The following ZNF492 variants were observed in gnomAD, a reference collection of about 807,000 sequenced individuals.
The protein encoded by ZNF492 is zinc finger protein 492, also known as zinc finger protein 115 (Y20).
ZNF492 carries 3 observed loss-of-function variants against 6.4 expected under a neutral mutation model. That is an observed-to-expected ratio of 0.47 (90% CI 0.21 to 1.22). The LOEUF (loss-of-function observed/expected upper bound fraction) is 1.22, where lower values mean the gene tolerates loss of function less well. ZNF492 is among the 50% of genes most tolerant of loss of function. The pLI is 0.22. For missense variants in ZNF492, 356 were observed against 612.5 expected, an observed-to-expected ratio of 0.58 and a Z score of 4.42; for synonymous variants, 112 against 205.3, an observed-to-expected ratio of 0.55 and a Z score of 3.89.
At position 22,655,675 on chromosome 19, in the gene ZNF492, A is replaced by ATTTTTTTTTTTTT. The variant is rs201831166; in HGVS notation, c.130+1667_130+1679dup. On this transcript the variant is annotated intron_variant, in intron 3 of 3. Coordinates refer to ENST00000456783, the MANE Select transcript of ZNF492 (RefSeq NM_020855.3). ...ATTTGTCTTCAATTTCAGTGACTTA[A>ATTTTTTTTTTTTT]TTTTTTTTTTTTTTTTTTTACTTAT... Among the ~76,000 whole-genome samples, 79 of 109,396 alleles carry ATTTTTTTTTTTTT rather than the reference A, an allele frequency of 7.2e-4. 5 individuals are homozygous for ATTTTTTTTTTTTT. The highest frequency in any genetic ancestry group is 5.2e-3 in the Middle Eastern group (1 of 192). The allele number at this position is 109,396 out of a possible 152,430, so 71.8% of individuals were successfully genotyped here. A position where few individuals can be genotyped will look rare whatever the true frequency, so the allele number is the denominator to read the frequency against.
chr19:22,647,399 GGT>G (rs1971891067), intron 1 of ZNF492, among the ~76,000 whole-genome samples: 1 of 150,228 alleles, frequency 6.7e-6, no homozygotes, highest in Non-Finnish European at 1.5e-5. Flanking sequence ...CTGGATTACA[GGT>G]GCCCGCCACT....
chr19:22,655,909 C>T (rs1490771550), intron 3 of ZNF492, among the ~76,000 whole-genome samples: 3 of 142,874 alleles, frequency 2.1e-5, no homozygotes, highest in Non-Finnish European at 3.0e-5. Flanking sequence ...ACTGCAACCT[C>T]CACCTCCCAG....
chr19:22,647,508 C>T (rs1264772291), intron 1 of ZNF492, among the ~76,000 whole-genome samples: 1 of 151,354 alleles, frequency 6.6e-6, no homozygotes, highest in South Asian at 2.1e-4. Context: ...GTGATCCCCC[C>T]CAATCTCGGC....
At position 22,642,384 on chromosome 19, in the gene ZNF492, C is replaced by CTTTTTTTTT. The variant is rs869202400; in HGVS notation, c.-94+7925_-94+7933dup. Among the ~76,000 whole-genome samples, 213 of 85,466 alleles carry CTTTTTTTTT rather than the reference C, an allele frequency of 2.5e-3. 4 individuals carry two copies. The highest frequency in any genetic ancestry group is 2.8e-3 in the Non-Finnish European group (136 of 48,174). The allele number at this position is 85,466 out of a possible 152,430, so 56.1% of individuals were successfully genotyped here. A position where few individuals can be genotyped will look rare whatever the true frequency, so the allele number is the denominator to read the frequency against. On this transcript the variant is annotated intron_variant, in intron 1 of 3. Transcript: ENST00000456783. The stretch of plus-strand genomic sequence containing the variant: ...ATTAACAGCTAAATAAACCTTTTGT[C>CTTTTTTTTT]TTTTTTTTTTTTTTTTTTTTTTTGA...
intron 3 of ZNF492, among the ~76,000 whole-genome samples, chr19:22,654,573 C>T (rs1971974424): frequency 7.1e-6 from 1 of 141,354 alleles, no homozygotes. Flanking sequence ...TATTGTAAGT[C>T]TATGTGAGAA....
At chr19:22,642,527 C>G (rs1047350923) in intron 1 of ZNF492, among the ~76,000 whole-genome samples, 2 of 142,942 alleles carry the variant, frequency 1.4e-5, no homozygotes, top group Non-Finnish European at 1.5e-5. Context: ...GTAGCTGGGA[C>G]TATAGGCACC....
chr19:22,637,417 C>T (rs1003160680), intron 1 of ZNF492, among the ~76,000 whole-genome samples: 5 of 152,092 alleles, frequency 3.3e-5, no homozygotes, highest in African/African-American at 1.2e-4. Context: ...TTTAGCCCCC[C>T]AAGTAGCTGG....
intron 3 of ZNF492, among the ~76,000 whole-genome samples, chr19:22,658,800 A>G (rs1211490526): frequency 2.1e-5 from 3 of 143,796 alleles, no homozygotes; most frequent in Non-Finnish European, 4.5e-5. Context: ...GTGGGTATGC[A>G]AATGACTCTT....
At chr19:22,663,638 A>G (rs1471672606) in intron 3 of ZNF492, among the ~76,000 whole-genome samples, 162 bp from the exon 4 acceptor site, 2 of 152,086 alleles carry the variant, frequency 1.3e-5, no homozygotes, top group Admixed American at 1.3e-4. Context: ...CAGAAATGTA[A>G]TTTGTTCTGT....
intron 1 of ZNF492, among the ~76,000 whole-genome samples, chr19:22,646,777 T>C (rs1327488404): frequency 1.3e-5 from 2 of 152,194 alleles, no homozygotes; most frequent in South Asian, 2.1e-4. Flanking sequence ...GAGATAATCA[T>C]GTGATTTTTG....
chr19:22,645,595 G>A (rs1227747058), intron 1 of ZNF492, among the ~76,000 whole-genome samples: 2 of 152,054 alleles, frequency 1.3e-5, no homozygotes, highest in Admixed American at 1.3e-4. Flanking sequence ...AGTCTTTGCC[G>A]ATGCCTATGT....
chr19:22,665,298 G>T lies in ZNF492; in HGVS notation c.*33G>T, dbSNP rs1339660105. On this transcript the variant is annotated 3_prime_UTR_variant, in exon 4 of 4. Transcript: ENST00000456783. ...ATGAATGTGACAAAGCCTTTAAATG[G>T]TTATCACACTGGATTGTAGGTAAGG... 4 of 1,509,384 alleles carry T rather than the reference G, an allele frequency of 2.7e-6. No individual in the cohort carries two copies. The African/African-American group carries it at 5.6e-5, about 21-fold the overall frequency. 93.5% of individuals were successfully genotyped at this position (1,509,384 alleles called of 1,614,324 possible). A position where few individuals can be genotyped will look rare whatever the true frequency, so the allele number is the denominator to read the frequency against.
intron 1 of ZNF492, among the ~76,000 whole-genome samples, chr19:22,647,257 G>GTTTTTTTTTTTT (rs777750378): frequency 1.4e-5 from 2 of 140,268 alleles, no homozygotes; most frequent in African/African-American, 5.6e-5. Flanking sequence ...TTTGTTTGTT[G>GTTTTTTTTTTTT]TTGTTTTTTT....
intron 1 of ZNF492, among the ~76,000 whole-genome samples, chr19:22,641,609 T>C (rs559167088): frequency 6.6e-6 from 1 of 152,270 alleles, no homozygotes; most frequent in South Asian, 2.1e-4. Flanking sequence ...AGAAATCTAT[T>C]AGGACTGTTT....
chr19:22,634,477 G>A lies in ZNF492; in HGVS notation c.-94+3G>A. On this transcript the variant is annotated splice_donor_region_variant and intron_variant, in intron 1 of 3. Coordinates refer to ENST00000456783, the MANE Select transcript of ZNF492 (RefSeq NM_020855.3). ...GACCCCCTGGAAGCCTAGAAACGGT[G>A]AGAGTGCCGGGTCCGACATCCCGAG... The A allele has an allele frequency of 7.3e-7, 1 of 1,366,038 alleles. No individual in the cohort carries two copies. The allele number at this position is 1,366,038 out of a possible 1,614,324, so 84.6% of individuals were successfully genotyped here.
chr19:22,656,827 C>G (rs1447909795), intron 3 of ZNF492, among the ~76,000 whole-genome samples: 4 of 152,044 alleles, frequency 2.6e-5, no homozygotes, highest in African/African-American at 9.7e-5. Flanking sequence ...TTTCACAGCT[C>G]CCTCCGTAGA....
At chr19:22,645,423 C>G (rs1195791429) in intron 1 of ZNF492, among the ~76,000 whole-genome samples, 10 of 152,142 alleles carry the variant, frequency 6.6e-5, no homozygotes, top group Non-Finnish European at 1.5e-5. Flanking sequence ...AATATTAGAT[C>G]TTTGTCAGAT....
intron 1 of ZNF492, among the ~76,000 whole-genome samples, chr19:22,642,899 TAC>T (rs1280944361): frequency 1.3e-5 from 2 of 152,196 alleles, no homozygotes; most frequent in African/African-American, 4.8e-5. Flanking sequence ...GACTAAAAGA[TAC>T]AGAGTTAAGT....
chr19:22,657,467 G>A (rs946033345), intron 3 of ZNF492, among the ~76,000 whole-genome samples: 3 of 151,996 alleles, frequency 2.0e-5, no homozygotes, highest in Non-Finnish European at 4.4e-5. Context: ...TGTCATTAGA[G>A]TCTTCTGTTT....
Sources: gnomAD v4.1 joint callset for allele counts (sites outside exome capture counted in the v4.1 genomes callset) on GRCh38, gnomAD v4.1.1 for gene constraint, MANE v1.5 for transcripts, NCBI Gene and HGNC (gene_info 2026-07-23, HGNC 2026-07-21) for gene names.